The following PLCB1 variants were observed in gnomAD, a reference collection of about 807,000 sequenced individuals.
PLCB1 encodes the protein phospholipase C beta 1.
Under a neutral mutation model 161.8 loss-of-function variants are expected in PLCB1, and 46 were observed. The ratio of observed to expected loss-of-function variants is 0.28; its 90% confidence interval spans 0.22 to 0.36. PLCB1 has a LOEUF of 0.36. Among genes scored for constraint, PLCB1 ranks in the 10% least tolerant of loss-of-function variants. PLCB1 has a pLI of 1.00. For synonymous variants in PLCB1, 517 were observed against 503.7 expected (o/e 1.03, Z -0.35); for missense variants, 1,016 against 1,472.5 (o/e 0.69, Z 5.07).
chr20:8,518,015 C>G (rs368341942), intron 3 of PLCB1, among the ~76,000 whole-genome samples: 2 of 152,042 alleles, frequency 1.3e-5, no homozygotes, highest in African/African-American at 4.8e-5. Context: ...AACCCCGTCT[C>G]TACTAAAAAT....
chr20:8,263,051 G>T (rs1221238102), intron 2 of PLCB1, among the ~76,000 whole-genome samples: 1 of 152,154 alleles, frequency 6.6e-6, no homozygotes, highest in Admixed American at 6.5e-5. Flanking sequence ...CATTCCTAAT[G>T]CAGGACAGGC....
intron 2 of PLCB1, among the ~76,000 whole-genome samples, chr20:8,225,160 A>G (rs985476439): frequency 3.3e-5 from 5 of 152,318 alleles, no homozygotes; most frequent in Middle Eastern, 6.8e-3. Context: ...TATCTCAGCA[A>G]GAAAAGGATT....
intron 31 of PLCB1, among the ~76,000 whole-genome samples, chr20:8,873,422 C>T (rs367838305): frequency 1.4e-3 from 212 of 152,200 alleles, no homozygotes; most frequent in African/African-American, 4.7e-3. Flanking sequence ...CAGTAATTCT[C>T]GTAAAATTGT....
chr20:8,451,434 G>A (rs1272215765), intron 3 of PLCB1, among the ~76,000 whole-genome samples: 1 of 152,060 alleles, frequency 6.6e-6, no homozygotes, highest in African/African-American at 2.4e-5. Context: ...TGCAACCTCT[G>A]CCTCCTGGGT....
chr20:8,200,649 G>A (rs1326298022), intron 2 of PLCB1, among the ~76,000 whole-genome samples: 6 of 151,830 alleles, frequency 4.0e-5, no homozygotes, highest in Non-Finnish European at 8.8e-5. Flanking sequence ...TTTTTCTGAA[G>A]ATCCTCTTGG....
At chr20:8,385,797 A>G (rs1168479329) in intron 3 of PLCB1, among the ~76,000 whole-genome samples, 1 of 152,194 alleles carries the variant, frequency 6.6e-6, no homozygotes, top group African/African-American at 2.4e-5. Flanking sequence ...GTGGACCACC[A>G]CACCACACTG....
At chr20:8,643,432 C>A (rs1039827960) in intron 4 of PLCB1, among the ~76,000 whole-genome samples, 7 of 152,140 alleles carry the variant, frequency 4.6e-5, no homozygotes, top group Admixed American at 4.6e-4. Flanking sequence ...ACCTCTAGTT[C>A]TTTTCCCAGT....
chr20:8,789,800 C>T (rs1057240410), intron 30 of PLCB1, among the ~76,000 whole-genome samples: 1 of 152,180 alleles, frequency 6.6e-6, no homozygotes, highest in African/African-American at 2.4e-5. Context: ...CAAGTCATTT[C>T]CAAAGTCAAG....
intron 2 of PLCB1, among the ~76,000 whole-genome samples, chr20:8,202,848 T>C (rs571559646): frequency 6.8e-4 from 104 of 152,080 alleles, no homozygotes; most frequent in Non-Finnish European, 1.2e-3. Flanking sequence ...TTGCAGGGAC[T>C]TGAGGGTGAA....
chr20:8,770,121 T>G (rs1243056175), intron 26 of PLCB1, among the ~76,000 whole-genome samples: 1 of 151,576 alleles, frequency 6.6e-6, no homozygotes, highest in Non-Finnish European at 1.5e-5. Context: ...CCCAGCTAAT[T>G]TTTTGTATTT....
At chr20:8,821,648 G>A (rs564557984) in intron 31 of PLCB1, among the ~76,000 whole-genome samples, 13 of 149,178 alleles carry the variant, frequency 8.7e-5, no homozygotes, top group East Asian at 7.9e-4. Context: ...GGATATTTTC[G>A]CATGTCAGCA....
At chr20:8,838,283 C>T (rs568305121) in intron 31 of PLCB1, among the ~76,000 whole-genome samples, 29 of 152,190 alleles carry the variant, frequency 1.9e-4, no homozygotes, top group African/African-American at 7.0e-4. Context: ...TGGTGTTTTA[C>T]CAGGTGACTA....
At chr20:8,190,125 A>G (rs2051951490) in intron 2 of PLCB1, among the ~76,000 whole-genome samples, 1 of 152,068 alleles carries the variant, frequency 6.6e-6, no homozygotes, top group Admixed American at 6.6e-5. Context: ...TTCTTATTCA[A>G]TTTCTTTGAG....
At chr20:8,818,585 T>G (rs6056155) in intron 31 of PLCB1, among the ~76,000 whole-genome samples, 4,031 of 152,314 alleles carry the variant, frequency 0.026, 169 homozygotes, top group African/African-American at 0.092. Flanking sequence ...AAAATTAATT[T>G]ATAAAAATCC....
chr20:8,766,670 T>C (rs369085302), intron 26 of PLCB1, among the ~76,000 whole-genome samples: 2 of 152,166 alleles, frequency 1.3e-5, no homozygotes, highest in South Asian at 2.1e-4. Context: ...ATGGCGAAAT[T>C]TGAGAGTCTC....
intron 2 of PLCB1, among the ~76,000 whole-genome samples, chr20:8,205,558 A>AGCTCAT (rs1179254827): frequency 6.6e-6 from 1 of 152,228 alleles, no homozygotes; most frequent in Non-Finnish European, 1.5e-5. Context: ...GAACACATAC[A>AGCTCAT]GCTCATCTTA....
At chr20:8,633,302 A>G (rs1988657685) in intron 4 of PLCB1, among the ~76,000 whole-genome samples, 1 of 152,198 alleles carries the variant, frequency 6.6e-6, no homozygotes, top group Non-Finnish European at 1.5e-5. Flanking sequence ...AAAATAGAAT[A>G]TAATTTTTTG....
intron 9 of PLCB1, among the ~76,000 whole-genome samples, chr20:8,662,360 A>G (rs12480231): frequency 0.32 from 35,389 of 108,922 alleles, 6,604 homozygotes; most frequent in Non-Finnish European, 0.4. Context: ...ATATGTAATT[A>G]TTTATTATAT....
intron 31 of PLCB1, among the ~76,000 whole-genome samples, chr20:8,796,994 T>C (rs1300507212): frequency 1.3e-5 from 2 of 152,220 alleles, no homozygotes; most frequent in African/African-American, 4.8e-5. Context: ...CTTTGGAGTT[T>C]TTATTTTTGT....
Sources: allele counts gnomAD v4.1 joint callset (sites outside exome capture counted in the v4.1 genomes callset), GRCh38; gene constraint gnomAD v4.1.1; transcripts MANE v1.5; gene names NCBI Gene and HGNC (gene_info 2026-07-23, HGNC 2026-07-21).